PDE3B: variants seen among roughly 807,000 people sequenced by gnomAD.
PDE3B encodes phosphodiesterase 3B.
In PDE3B, 66 loss-of-function variants were observed where a neutral mutation model predicts 116.8. That is an observed-to-expected ratio of 0.56 (90% CI 0.46 to 0.69). The LOEUF (loss-of-function observed/expected upper bound fraction) is 0.69, where lower values mean the gene tolerates loss of function less well. Among genes scored for constraint, PDE3B ranks in the 30% least tolerant of loss-of-function variants. The pLI is 0.00. For missense variants in PDE3B, 1,384 were observed against 1,368.1 expected, an observed-to-expected ratio of 1.01 and a Z score of -0.18; for synonymous variants, 595 against 533.6, an observed-to-expected ratio of 1.12 and a Z score of -1.59.
chr11:14,887,544 T>A, the PDE3B span: 6 of 938,444 alleles, frequency 6.4e-6, no homozygotes, highest in Non-Finnish European at 7.6e-6. Flanking sequence ...TATTCTTTGA[T>A]TTATTCAATA....
chr11:14,665,969 C>T (rs1399997717), intron 1 of PDE3B, among the ~76,000 whole-genome samples: 9 of 152,136 alleles, frequency 5.9e-5, no homozygotes, highest in East Asian at 3.8e-4. Context: ...GAGCCCGCAT[C>T]GCCAAGTCAA....
At position 14,753,916 on chromosome 11, in the gene PDE3B, A is replaced by G. The variant is rs111460198; in HGVS notation, c.979-18021A>G. On this transcript the variant is annotated intron_variant, in intron 1 of 15. Coordinates refer to ENST00000282096, the MANE Select transcript of PDE3B (RefSeq NM_000922.4). ...TATAAAAATAGTTCATTCCATACCA[A>G]TAAAATCTTATTGGCTTGTTTATTT... Among the ~76,000 whole-genome samples, 407 of 152,188 alleles carry G rather than the reference A, an allele frequency of 2.7e-3. 2 individuals are homozygous for G. Among genetic ancestry groups the G allele is most frequent in the Non-Finnish European group, 4.6e-3 (316 of 67,972 alleles).
At chr11:14,676,663 C>T (rs1251030011) in intron 1 of PDE3B, among the ~76,000 whole-genome samples, 3 of 152,104 alleles carry the variant, frequency 2.0e-5, no homozygotes, top group East Asian at 1.9e-4. Context: ...AAAAAGTAAC[C>T]GCGTCACAAT....
the PDE3B span, chr11:14,890,616 G>GGCTCACTGAAA: frequency 4.9e-6 from 1 of 202,346 alleles, no homozygotes; most frequent in Non-Finnish European, 7.5e-6. Context: ...GCGCGATCTC[G>GGCTCACTGAAA]GCTCACTGAA....
chr11:14,804,456 G>T (rs1858860365), intron 5 of PDE3B, among the ~76,000 whole-genome samples: 1 of 151,508 alleles, frequency 6.6e-6, no homozygotes, highest in Non-Finnish European at 1.5e-5. Context: ...ATTATGATAG[G>T]AATTTTTTTT....
At position 14,644,142 on chromosome 11, in the gene PDE3B, C is replaced by T. The variant is rs373348482; in HGVS notation, c.67C>T (p.Pro23Ser). 79 of 1,589,088 alleles carry T rather than the reference C, an allele frequency of 5.0e-5. No homozygotes were observed. In the African/African-American group the frequency reaches 9.4e-4, roughly 19 times the overall value. The change falls in exon 1 of 16, where the codon CCC becomes TCC. Residue 23 changes from proline to serine, a missense_variant. This residue lies in a region of PDE3B where 956 missense variants were observed against 806.8 expected (regional missense o/e 1.18). Coordinates refer to ENST00000282096, the MANE Select transcript of PDE3B (RefSeq NM_000922.4). ...GCAGCCGCCGGATGGGGCCGGCTCG[C>T]CCCCCGAGAGTCTGAGGAACGGCTA... The part of the protein sequence containing the change: ...SLQPPDGAGS[P>S]PESLRNGYVK...
the PDE3B span, among the ~76,000 whole-genome samples, chr11:14,884,739 C>T: frequency 1.3e-5 from 2 of 151,394 alleles, no homozygotes; most frequent in Non-Finnish European, 3.0e-5. Flanking sequence ...AATTTTCTAC[C>T]TGGTTTTTAA....
downstream of PDE3B, among the ~76,000 whole-genome samples, chr11:14,874,012 A>G (rs569742271): frequency 2.4e-4 from 36 of 152,268 alleles, no homozygotes; most frequent in African/African-American, 8.7e-4. Context: ...CATGGCTCTC[A>G]GTATTAAGGT....
rs139476366 is a variant in PDE3B at position 14,818,304 on chromosome 11, C to T, written c.1644C>T (p.Ser548=). The change falls in exon 6 of 16, where the codon AGC becomes AGT. Residue 548 remains serine (S), a synonymous_variant. Coordinates refer to ENST00000282096, the MANE Select transcript of PDE3B (RefSeq NM_000922.4). The stretch of plus-strand genomic sequence containing the variant: ...CTGCTGATTTTCTTAATAAGCCAAG[C>T]GTTATCTTGCAGAGATCTCTGGGCA... The part of the protein sequence containing the change: ...PDTADFLNKP[S]VILQRSLGNA... 2.0e-4 allele frequency: 321 copies of T among 1,613,144 alleles called. No individual in the cohort carries two copies. The African/African-American group carries it at 3.2e-3, about 16-fold the overall frequency.
chr11:14,800,894 A>G (rs1397137523), intron 4 of PDE3B, among the ~76,000 whole-genome samples: 1 of 151,878 alleles, frequency 6.6e-6, no homozygotes, highest in African/African-American at 2.4e-5. Flanking sequence ...GCTTTATTTC[A>G]TCAAGTTGAT....
chr11:14,861,436 G>A, intron 14 of PDE3B, 70 bp downstream of exon 14: 1 of 1,393,034 alleles, frequency 7.2e-7, no homozygotes, highest in Non-Finnish European at 1.0e-6. Flanking sequence ...TTTGGGTTTT[G>A]GATAGCTTTA....
chr11:14,862,148 G>T (rs1847962298), intron 14 of PDE3B, among the ~76,000 whole-genome samples: 1 of 152,156 alleles, frequency 6.6e-6, no homozygotes, highest in African/African-American at 2.4e-5. Flanking sequence ...TTTCTGTTGG[G>T]TGACTGCCTT....
At chr11:14,669,407 A>AG (rs1854295488) in intron 1 of PDE3B, among the ~76,000 whole-genome samples, 1 of 152,162 alleles carries the variant, frequency 6.6e-6, no homozygotes, top group African/African-American at 2.4e-5. Context: ...GGCACTGAAC[A>AG]GGGTGGAGGA....
At chr11:14,882,972 A>G in the PDE3B span, among the ~76,000 whole-genome samples, 1 of 152,190 alleles carries the variant, frequency 6.6e-6, no homozygotes, top group Non-Finnish European at 1.5e-5. Flanking sequence ...AATCCAACTT[A>G]CAAGGGATGT....
intron 1 of PDE3B, among the ~76,000 whole-genome samples, chr11:14,724,412 A>C (rs1393926250): frequency 6.6e-6 from 1 of 152,196 alleles, no homozygotes; most frequent in Non-Finnish European, 1.5e-5. Flanking sequence ...AAAGATGTAC[A>C]GGTTGAACAT....
intron 1 of PDE3B, among the ~76,000 whole-genome samples, chr11:14,732,534 A>G (rs1856487437): frequency 6.6e-6 from 1 of 152,202 alleles, no homozygotes; most frequent in African/African-American, 2.4e-5. Context: ...TTTCATGGTT[A>G]AACAACATGG....
chr11:14,718,483 A>T (rs1855983788), intron 1 of PDE3B, among the ~76,000 whole-genome samples: 1 of 148,930 alleles, frequency 6.7e-6, no homozygotes, highest in African/African-American at 2.5e-5. Context: ...TTTCAGCACC[A>T]CACCACACCT....
chr11:14,695,975 A>G (rs1480842496), intron 1 of PDE3B, among the ~76,000 whole-genome samples: 9 of 152,116 alleles, frequency 5.9e-5, no homozygotes, highest in Admixed American at 5.9e-4. Context: ...CAGTGAACAT[A>G]TGTGTGCATG....
In PDE3B at chr11:14,861,239, G is replaced by A. The variant is rs1555007108; in HGVS notation, c.2759G>A (p.Ser920Asn). Residue 920 changes from serine (S) to asparagine (N), a missense_variant, in exon 14 of 16, where the codon AGT becomes AAT. This residue lies in a region of PDE3B where 428 missense variants were observed against 561.4 expected (regional missense o/e 0.76). Transcript: ENST00000282096. ...GTAAATAGTAATGGCATAGAATGGA[G>A]TAATGAAAATGATCGCCTCTTGGTA... The part of the protein sequence containing the change: ...NDVNSNGIEW[S>N]NENDRLLVCQ... The A allele has an allele frequency of 6.2e-7, 1 of 1,613,568 alleles. No homozygotes were observed. The highest frequency in any genetic ancestry group is 1.3e-5 in the African/African-American group (1 of 75,040).
Sources: gnomAD v4.1 joint callset for allele counts (sites outside exome capture counted in the v4.1 genomes callset) on GRCh38, gnomAD v4.1.1 for gene constraint, gnomAD v4.1.1 regional missense constraint, MANE v1.5 for transcripts, NCBI Gene and HGNC (gene_info 2026-07-23, HGNC 2026-07-21) for gene names.